WASHC5: variants seen among roughly 807,000 people sequenced by gnomAD.
WASHC5 encodes the protein WASH complex subunit strumpellin.
Under a neutral mutation model 150.4 loss-of-function variants are expected in WASHC5, and 101 were observed. The ratio of observed to expected loss-of-function variants is 0.67; its 90% CI spans 0.57 to 0.79. The LOEUF (loss-of-function observed/expected upper bound fraction) is 0.79. Ranked by LOEUF, WASHC5 falls within the 30% of genes least tolerant of loss-of-function variation. WASHC5 has a pLI of 0.00. For synonymous variants in WASHC5, 467 were observed against 491.2 expected, an observed-to-expected ratio of 0.95 and a Z score of 0.65; for missense variants, 1,195 against 1,396.3, an observed-to-expected ratio of 0.86 and a Z score of 2.30.
chr8:125,076,581 T>C lies in WASHC5; in HGVS notation c.712-81A>G, dbSNP rs577795875. On this transcript the variant is annotated intron_variant, in intron 6 of 28. Coordinates refer to ENST00000318410, the MANE Select transcript of WASHC5 (RefSeq NM_014846.4). ...ATGCTCAAATTAAACTCTCTGGTTGTAAGACACATCAGTTTTTCCAAAGCC... is the reference window on the plus strand; with the variant it reads ...ATGCTCAAATTAAACTCTCTGGTTGCAAGACACATCAGTTTTTCCAAAGCC... 6 of 1,532,080 alleles carry C rather than the reference T, an allele frequency of 3.9e-6. No individual in the cohort carries two copies. The South Asian group carries it at 5.7e-5, about 15-fold the overall frequency. The allele number at this position is 1,532,080 out of a possible 1,614,324, so 94.9% of individuals were successfully genotyped here.
Position 125,059,289 on chromosome 8 carries a change from G to A in WASHC5, c.1697C>T (p.Ser566Phe). ...FAWQLIDSFT[S>F]IMQESIRVNP... Reference sequence around the variant, plus strand: ...TACCCTTATGCTTTCTTGCATGATGGATGTGAAACTGTAAAAAGAAAAGAA... The same window carrying A: ...TACCCTTATGCTTTCTTGCATGATGAATGTGAAACTGTAAAAAGAAAAGAA... The change falls in exon 14 of 29, where the codon TCC becomes TTC. Residue 566 changes from serine to phenylalanine, a missense_variant. Around this residue, in one of 3 missense-constraint regions of WASHC5, gnomAD observed 997 missense variants for 1,168.1 expected, o/e 0.85. Transcript: ENST00000318410. 1 of 1,613,914 alleles carries A rather than the reference G, an allele frequency of 6.2e-7. No homozygotes were observed. The highest frequency in any genetic ancestry group is 8.5e-7 in the Non-Finnish European group (1 of 1,179,834).
chr8:125,070,663 A>G (rs1816871066), intron 9 of WASHC5, among the ~76,000 whole-genome samples: 1 of 152,272 alleles, frequency 6.6e-6, no homozygotes, highest in Non-Finnish European at 1.5e-5. Flanking sequence ...TCCTCAAATT[A>G]GAACTGGAGT....
intron 1 of WASHC5, among the ~76,000 whole-genome samples, chr8:125,085,655 A>G (rs778815048): frequency 1.3e-5 from 2 of 152,210 alleles, no homozygotes; most frequent in Non-Finnish European, 2.9e-5. Context: ...TCTGTAACAC[A>G]GAGACTCTCG....
chr8:125,082,445 C>G lies in WASHC5; in HGVS notation c.355G>C (p.Gly119Arg). 6.3e-7 allele frequency: 1 copy of G among 1,583,578 alleles called. No individual in the cohort carries two copies. Among genetic ancestry groups the G allele is most frequent in the Non-Finnish European group, 8.7e-7 (1 of 1,152,796 alleles). ...TCTAAGGTTTGCTGAATATAAACCCCTTCATTGAGATCATCTAGATATCTA... is the reference window on the plus strand; with the variant it reads ...TCTAAGGTTTGCTGAATATAAACCCGTTCATTGAGATCATCTAGATATCTA... The part of the protein sequence containing the change: ...LNRYLDDLNE[G>R]VYIQQTLETV... The change falls in exon 4 of 29, where the codon GGG becomes CGG. Residue 119 changes from glycine to arginine, a missense_variant. Gly to Arg is a moderately radical substitution (Grantham distance 125). Around this residue, in one of 3 missense-constraint regions of WASHC5, gnomAD observed 195 missense variants for 206.9 expected, o/e 0.94. Transcript: ENST00000318410.
intron 24 of WASHC5, 53 bp from the exon 25 acceptor site, chr8:125,039,012 C>T: frequency 2.5e-6 from 4 of 1,576,556 alleles, no homozygotes; most frequent in Non-Finnish European, 3.5e-6. Context: ...TGAATTTATA[C>T]AAGAGTTAAT....
At chr8:125,068,373 C>T (rs762216813) in intron 9 of WASHC5, among the ~76,000 whole-genome samples, 5 of 152,158 alleles carry the variant, frequency 3.3e-5, no homozygotes, top group Non-Finnish European at 7.4e-5. Flanking sequence ...GTCTAATGAG[C>T]CTTCCTGGTT....
At chr8:125,051,505 G>A (rs188729736) in intron 17 of WASHC5, among the ~76,000 whole-genome samples, 165 of 152,328 alleles carry the variant, frequency 1.1e-3, no homozygotes, top group African/African-American at 3.9e-3. Flanking sequence ...ATTAAACTAC[G>A]TCAAGATCGT....
chr8:125,088,777 C>T (rs116565265), intron 1 of WASHC5, among the ~76,000 whole-genome samples: 4,039 of 152,168 alleles, frequency 0.027, 185 homozygotes, highest in African/African-American at 0.093. Flanking sequence ...ACCATAGATG[C>T]TATAAAGCTT....
chr8:125,046,444 G>A (rs1440279601), intron 20 of WASHC5, among the ~76,000 whole-genome samples: 1 of 152,150 alleles, frequency 6.6e-6, no homozygotes, highest in Non-Finnish European at 1.5e-5. Context: ...CACATAACCC[G>A]TATGTAGACT....
intron 27 of WASHC5, among the ~76,000 whole-genome samples, chr8:125,030,912 T>A (rs1423484046): frequency 1.3e-5 from 2 of 152,168 alleles, no homozygotes; most frequent in African/African-American, 2.4e-5. Context: ...TGAGAAGACC[T>A]AAGACAACAG....
At chr8:125,062,151 G>T (rs1022068847) in intron 11 of WASHC5, among the ~76,000 whole-genome samples, 1 of 152,140 alleles carries the variant, frequency 6.6e-6, no homozygotes, top group African/African-American at 2.4e-5. Flanking sequence ...GGCAGCGATG[G>T]AGTAGTAGAA....
intron 26 of WASHC5, among the ~76,000 whole-genome samples, chr8:125,033,992 A>G (rs1815620219): frequency 6.6e-6 from 1 of 152,224 alleles, no homozygotes; most frequent in Admixed American, 6.5e-5. Flanking sequence ...TTCTCAAAAC[A>G]TATCTAATAA....
chr8:125,089,917 C>A (rs1374503359), intron 1 of WASHC5, among the ~76,000 whole-genome samples: 1 of 143,040 alleles, frequency 7.0e-6, no homozygotes, highest in Non-Finnish European at 1.5e-5. Context: ...TTCTAAAATT[C>A]TATATATAAA....
chr8:125,071,840 A>C (rs2130157613), intron 9 of WASHC5, among the ~76,000 whole-genome samples: 1 of 152,346 alleles, frequency 6.6e-6, no homozygotes, highest in Non-Finnish European at 1.5e-5. Flanking sequence ...CACTGGGCTA[A>C]AATCAAGGTG....
At chr8:125,054,076 G>A (rs1304608106) in intron 17 of WASHC5, among the ~76,000 whole-genome samples, 4 of 152,174 alleles carry the variant, frequency 2.6e-5, no homozygotes, top group Admixed American at 6.5e-5. Flanking sequence ...GCGGCCACTT[G>A]AAAAGAATGT....
chr8:125,059,141 C>T, intron 14 of WASHC5, 81 bp downstream of exon 14: 2 of 1,012,338 alleles, frequency 2.0e-6, no homozygotes, highest in Non-Finnish European at 3.1e-6. Flanking sequence ...AGGATAAAAT[C>T]CTGGGCTGAA....
Position 125,073,257 on chromosome 8 carries a change from T to A in WASHC5, c.1046A>T (p.Tyr349Phe). 6.2e-7 allele frequency: 1 copy of A among 1,614,076 alleles called. No individual in the cohort carries two copies. The highest frequency in any genetic ancestry group is 8.5e-7 in the Non-Finnish European group (1 of 1,179,940). The change falls in exon 9 of 29, where the codon TAT (tyrosine) becomes TTT (phenylalanine). Residue 349 changes from tyrosine (Y) to phenylalanine (F), a missense_variant. Tyr to Phe is a conservative substitution (Grantham distance 22, BLOSUM62 3). Transcript: ENST00000318410. ...AQVQQFLKEG[Y>F]LREEMVLDNI... ...GTCCAGAACCATCTCCTCCCTTAAA[T>A]AACCTTCTTTTAGAAATTGCTGCAC...
chr8:125,025,927 T>C (rs1316407516), intron 28 of WASHC5, among the ~76,000 whole-genome samples: 1 of 152,022 alleles, frequency 6.6e-6, no homozygotes, highest in Non-Finnish European at 1.5e-5. Flanking sequence ...ATGAACATCC[T>C]TGGGCACATA....
chr8:125,042,652 G>A (rs1055088775), intron 23 of WASHC5, among the ~76,000 whole-genome samples: 2 of 152,110 alleles, frequency 1.3e-5, no homozygotes, highest in Non-Finnish European at 2.9e-5. Context: ...TCCCCCTAAC[G>A]CCTCCTACAG....
Sources: allele counts gnomAD v4.1 joint callset (sites outside exome capture counted in the v4.1 genomes callset), GRCh38; gene constraint gnomAD v4.1.1; regional missense constraint gnomAD v4.1.1; transcripts MANE v1.5; gene names NCBI Gene and HGNC (gene_info 2026-07-23, HGNC 2026-07-21).